Variants in IQSEC1 observed in about 807,000 individuals in gnomAD.
The protein encoded by IQSEC1 is IQ motif and Sec7 domain ArfGEF 1, also known as IQ motif and SEC7 domain-containing protein 1.
In IQSEC1, 31 loss-of-function variants were observed where a neutral mutation model predicts 91.0. The ratio of observed to expected loss-of-function variants is 0.34; its 90% CI spans 0.26 to 0.46. IQSEC1 has a LOEUF of 0.46. Ranked by LOEUF, IQSEC1 falls within the 20% of genes least tolerant of loss-of-function variation. IQSEC1 has a pLI of 1.00. For synonymous variants in IQSEC1, 699 were observed against 662.6 expected (o/e 1.05, Z -0.84); for missense variants, 1,388 against 1,575.6 (o/e 0.88, Z 2.02).
chr3:12,955,266 C>T (rs77871021), intron 1 of IQSEC1, among the ~76,000 whole-genome samples: 3,199 of 152,350 alleles, frequency 0.021, 118 homozygotes, highest in African/African-American at 0.073. Context: ...ATGCCCTGGG[C>T]TCAGCTCTCT....
intron 1 of IQSEC1, among the ~76,000 whole-genome samples, chr3:13,178,699 C>A (rs542837568): frequency 6.6e-6 from 1 of 152,202 alleles, no homozygotes; most frequent in Non-Finnish European, 1.5e-5. Flanking sequence ...TGAGCACTAA[C>A]CTACTCCAAA....
At chr3:13,192,360 G>T (rs1000122041) in intron 1 of IQSEC1, among the ~76,000 whole-genome samples, 1 of 150,028 alleles carries the variant, frequency 6.7e-6, no homozygotes, top group Non-Finnish European at 1.5e-5. Context: ...AAAAAGAAAA[G>T]AAAAGAAAGC....
At chr3:13,042,150 CT>C (rs1704298034) in intron 1 of IQSEC1, 1 of 152,290 alleles carries the variant, frequency 6.6e-6, no homozygotes, top group Non-Finnish European at 1.5e-5. Context: ...ACGACAAACG[CT>C]GCTGCTGGTC....
At chr3:12,966,109 G>C (rs1406139844) in intron 1 of IQSEC1, among the ~76,000 whole-genome samples, 1 of 152,222 alleles carries the variant, frequency 6.6e-6, no homozygotes, top group Admixed American at 6.5e-5. Flanking sequence ...GCGGGTGTGT[G>C]TGGGATATGA....
chr3:13,145,312 G>A (rs1706871129), intron 2 of IQSEC1, among the ~76,000 whole-genome samples: 1 of 152,138 alleles, frequency 6.6e-6, no homozygotes. Flanking sequence ...ACTCTCATCA[G>A]TGACCCAGGG....
At chr3:13,090,524 C>G (rs1242449575) in intron 2 of IQSEC1, among the ~76,000 whole-genome samples, 1 of 152,154 alleles carries the variant, frequency 6.6e-6, no homozygotes, top group Non-Finnish European at 1.5e-5. Flanking sequence ...TCCATGTGTG[C>G]CACCCACTGG....
At chr3:13,066,312 C>A (rs1423155204) in intron 1 of IQSEC1, among the ~76,000 whole-genome samples, 1 of 152,260 alleles carries the variant, frequency 6.6e-6, no homozygotes, top group Non-Finnish European at 1.5e-5. Context: ...GTGATTTGTA[C>A]CTTGTCAGGC....
At chr3:12,985,652 G>A (rs1411030223) in intron 1 of IQSEC1, among the ~76,000 whole-genome samples, 1 of 149,604 alleles carries the variant, frequency 6.7e-6, no homozygotes, top group Non-Finnish European at 1.5e-5. Context: ...TTAAAGGACG[G>A]GTGGCAGAGT....
chr3:12,925,059 C>G (rs964483675), intron 3 of IQSEC1, among the ~76,000 whole-genome samples: 1 of 152,172 alleles, frequency 6.6e-6, no homozygotes, highest in Non-Finnish European at 1.5e-5. Flanking sequence ...GGGCTGGCTG[C>G]AGGGGTGCTT....
intron 1 of IQSEC1, among the ~76,000 whole-genome samples, chr3:13,015,868 C>CA (rs1703104382): frequency 6.6e-6 from 1 of 152,210 alleles, no homozygotes; most frequent in African/African-American, 2.4e-5. Context: ...ATAAATAATA[C>CA]ACCCACCTCC....
chr3:13,227,405 GAAAAGAAAACGAA>G (rs995734761), intron 1 of IQSEC1, among the ~76,000 whole-genome samples: 3 of 136,358 alleles, frequency 2.2e-5, no homozygotes, highest in Non-Finnish European at 4.7e-5. Context: ...AAGAAAGAAA[GAAAAGAAAACGAA>G]AAAAGAAAAA....
At chr3:12,912,947 C>A (rs920534569) in intron 9 of IQSEC1, among the ~76,000 whole-genome samples, 7 of 152,220 alleles carry the variant, frequency 4.6e-5, no homozygotes, top group Admixed American at 2.6e-4. Context: ...CTAGGCCTAG[C>A]CAATCAGAAA....
chr3:12,922,215 A>G lies in IQSEC1; in HGVS notation c.1758T>C (p.Ser586=), dbSNP rs1255686405. The change falls in exon 5 of 14, where the codon TCT becomes TCC. Residue 586 remains serine (S), a synonymous_variant. Coordinates refer to ENST00000613206, the MANE Select transcript of IQSEC1 (RefSeq NM_001134382.3). This position sits in a 1 kb window ranked among gnomAD's most constrained non-coding sequence, Gnocchi z 5.1. ...LDCVVDEMDF[S]TMELDEALRK... ...TGAGGGCCTCATCCAGCTCCATGGT[A>G]GAGAAGTCCATCTCGTCCACGACGC... 2.5e-6 allele frequency: 4 copies of G among 1,604,026 alleles called. No homozygotes were observed. Among genetic ancestry groups the G allele is most frequent in the Non-Finnish European group, 2.6e-6 (3 of 1,173,412 alleles).
Position 12,901,390 on chromosome 3 carries a change from GCTT to G in IQSEC1, c.2935_2937del (p.Lys979del), listed in dbSNP as rs1559596624. 6 of 1,542,016 alleles carry G rather than the reference GCTT, an allele frequency of 3.9e-6. No homozygotes were observed. Among genetic ancestry groups the G allele is most frequent in the Middle Eastern group, 1.7e-4 (1 of 5,968 alleles). Reference sequence around the variant, plus strand: ...GAGGGCAGGTGGGCCTGGGGAGGGGGCTTCCCTCTCTTGCTCCCGAATAAGGAG... The same window carrying G: ...GAGGGCAGGTGGGCCTGGGGAGGGGGCCCTCTCTTGCTCCCGAATAAGGAG... On this transcript the variant is annotated inframe_deletion, in exon 14 of 14. Coordinates refer to ENST00000613206, the MANE Select transcript of IQSEC1 (RefSeq NM_001134382.3).
In IQSEC1 at chr3:13,100,558, C is replaced by T. The variant is rs1010498124; in HGVS notation, c.303-53036G>A. On this transcript the variant is annotated intron_variant, in intron 2 of 15. Coordinates refer to the IQSEC1 transcript ENST00000648114. The stretch of plus-strand genomic sequence containing the variant: ...CAGCTAGAGTTGGGACAGCGGCGGG[C>T]GCCCAGGCAACTACAAGGTCACTGA... 2.7e-5 allele frequency among the ~76,000 whole-genome samples: 4 copies of T among 148,588 alleles called. 1 individual carries two copies. The highest frequency in any genetic ancestry group is 1.9e-4 in the East Asian group (1 of 5,178).
At position 13,208,501 on chromosome 3, in the gene IQSEC1, C is replaced by T. The variant is rs534570741; in HGVS notation, c.273-44368G>A. ...AACAACCCAGGCTCGGGAACCCACC[C>T]AGGGACACCTCCTTTTATCTCCCCA... On this transcript the variant is annotated intron_variant, in intron 1 of 15. Transcript: ENST00000648114. Among the ~76,000 whole-genome samples, 10 of 152,276 alleles carry T rather than the reference C, an allele frequency of 6.6e-5. No individual in the cohort carries two copies. In the South Asian group the frequency reaches 2.1e-3, roughly 32 times the overall value.
rs930996402 is a variant in IQSEC1, at chr3:12,897,636, C to T, written c.*3347G>A. 9.2e-5 allele frequency: 14 copies of T among 152,210 alleles called. No homozygotes were observed. Among genetic ancestry groups the T allele is most frequent in the African/African-American group, 3.4e-4 (14 of 41,434 alleles). The allele number at this position is 152,210 out of a possible 1,614,324, so 9.4% of individuals were successfully genotyped here. A position where few individuals can be genotyped will look rare whatever the true frequency, so the allele number is the denominator to read the frequency against. ...TTGACTATTGTTGTTACATAAAATA[C>T]AAATGTACTCGTTTCTCAGGCAGGA... On this transcript the variant is annotated 3_prime_UTR_variant, in exon 14 of 14. Coordinates refer to ENST00000613206, the MANE Select transcript of IQSEC1 (RefSeq NM_001134382.3).
In IQSEC1 at chr3:12,897,825, G is replaced by A. The variant is rs1392977400; in HGVS notation, c.*3158C>T. 1 of 152,230 alleles carries A rather than the reference G, an allele frequency of 6.6e-6. No individual in the cohort carries two copies. Among genetic ancestry groups the A allele is most frequent in the Non-Finnish European group, 1.5e-5 (1 of 68,032 alleles). The allele number at this position is 152,230 out of a possible 1,614,324, so 9.4% of individuals were successfully genotyped here. On this transcript the variant is annotated 3_prime_UTR_variant, in exon 14 of 14. Coordinates refer to ENST00000613206, the MANE Select transcript of IQSEC1 (RefSeq NM_001134382.3). ...GAGGCTCCTGCTGCATGCAGTGTGT[G>A]AGGGAAAGATCACTGCACTGGGTGC... is the stretch of plus-strand genomic sequence containing the variant.
Position 12,898,300 on chromosome 3 carries a change from G to A in IQSEC1, c.*2683C>T, listed in dbSNP as rs1349437682. ...GTGGGCAGCATGACTCCAGCCTCTG[G>A]AACCCAACAATGTATCTTCCACAAA... On this transcript the variant is annotated 3_prime_UTR_variant, in exon 14 of 14. Transcript: ENST00000613206. The A allele has an allele frequency of 6.6e-6, 1 of 152,250 alleles. No individual in the cohort carries two copies. The highest frequency in any genetic ancestry group is 2.4e-5 in the African/African-American group (1 of 41,470). 9.4% of individuals were successfully genotyped at this position (152,250 alleles called of 1,614,324 possible).
Sources: allele counts gnomAD v4.1 joint callset (sites outside exome capture counted in the v4.1 genomes callset), GRCh38; gene constraint gnomAD v4.1.1; non-coding constraint Gnocchi (gnomAD v3.1); transcripts MANE v1.5; gene names NCBI Gene and HGNC (gene_info 2026-07-23, HGNC 2026-07-21).